The following ZNF44 variants were observed in gnomAD, a reference collection of about 807,000 sequenced individuals.
ZNF44 encodes the protein zinc finger protein 44, also known as gonadotropin inducible transcription repressor-2.
In ZNF44, 9 loss-of-function variants were observed where a neutral mutation model predicts 11.7. The observed-to-expected ratio is 0.77, with a 90% CI of 0.46 to 1.35. The LOEUF (loss-of-function observed/expected upper bound fraction) is 1.35. ZNF44 is among the 40% of genes most tolerant of loss of function. The pLI, the probability that ZNF44 is intolerant of heterozygous loss-of-function variation, is 0.00. For missense variants in ZNF44, 696 were observed against 743.1 expected, an observed-to-expected ratio of 0.94 and a Z score of 0.74; for synonymous variants, 224 against 242.7, an observed-to-expected ratio of 0.92 and a Z score of 0.72.
chr19:12,256,697 CTTTTT>C (rs950614463), intron 5 of ZNF44, among the ~76,000 whole-genome samples: 260 of 102,774 alleles, frequency 2.5e-3, no homozygotes, highest in African/African-American at 0.012. Flanking sequence ...AGCAATTACT[CTTTTT>C]TTTTTTTTTT....
At chr19:12,247,337 G>A, downstream of ZNF44, 2 of 1,289,382 alleles carry the variant, frequency 1.6e-6, no homozygotes, top group Non-Finnish European at 2.0e-6. Flanking sequence ...TGAAGGCGTT[G>A]CCACAATCCT....
At position 12,261,020 on chromosome 19, in the gene ZNF44, A is replaced by G. The variant is rs951247272; in HGVS notation, c.1913-10652T>C. The stretch of plus-strand genomic sequence containing the variant: ...TGGGTCTCACACACACTGAGAGGGT[A>G]TGAAAAGGCTTATTACTCCCATGAC... On this transcript the variant is annotated intron_variant and NMD_transcript_variant, in intron 5 of 7. Coordinates refer to the ZNF44 transcript ENST00000393337. 2.6e-5 allele frequency among the ~76,000 whole-genome samples: 4 copies of G among 152,212 alleles called. No individual in the cohort carries two copies. In the East Asian group the frequency reaches 7.7e-4, roughly 29 times the overall value.
intron 3 of ZNF44, among the ~76,000 whole-genome samples, chr19:12,229,854 A>C (rs375174234): frequency 6.6e-6 from 1 of 152,060 alleles, no homozygotes; most frequent in Admixed American, 6.6e-5. Flanking sequence ...CATCGTGATC[A>C]GCCCGCCTCA....
In ZNF44 at chr19:12,273,538, G is replaced by C; in HGVS notation, c.717C>G (p.Ser239=). 6.2e-7 allele frequency: 1 copy of C among 1,613,656 alleles called. No homozygotes were observed. The highest frequency in any genetic ancestry group is 8.5e-7 in the Non-Finnish European group (1 of 1,179,914). Residue 239 remains serine, a synonymous_variant, in exon 4 of 4, where the codon TCC becomes TCG. Coordinates refer to ENST00000355684, the MANE Select transcript of ZNF44 (RefSeq NM_016264.4). ...QCSKAFPVYS[S]YLRHEKIHTG... ...TGTGTATTTTTTCATGTCTTAGATAGGAACTGTAAACAGGGAAGGCTTTAG... is the reference window on the plus strand; with the variant it reads ...TGTGTATTTTTTCATGTCTTAGATACGAACTGTAAACAGGGAAGGCTTTAG...
intron 1 of ZNF44, among the ~76,000 whole-genome samples, chr19:12,288,771 A>AAAATATATATAT (rs1555744570): frequency 2.6e-5 from 1 of 38,368 alleles, no homozygotes; most frequent in Non-Finnish European, 4.5e-5. Context: ...AAAAAAAAAA[A>AAAATATATATAT]ATGTATATAT....
chr19:12,238,624 C>CAAAAAA (rs760047200), upstream of ZNF44, among the ~76,000 whole-genome samples: 1 of 62,666 alleles, frequency 1.6e-5, no homozygotes, highest in African/African-American at 4.9e-5. Flanking sequence ...GAGACTGTCT[C>CAAAAAA]AAAAAAAAAA....
In ZNF44 at chr19:12,274,941, G is replaced by A. The variant is rs536607360; in HGVS notation, c.191+32C>T. ...TTGTCATTCTCAGAAACACTGCAAG[G>A]ACATCACCTGTCTCTTATAAGTACA... is the stretch of plus-strand genomic sequence containing the variant. On this transcript the variant is annotated intron_variant, in intron 3 of 3. Coordinates refer to ENST00000355684, the MANE Select transcript of ZNF44 (RefSeq NM_016264.4). 7 of 1,511,340 alleles carry A rather than the reference G, an allele frequency of 4.6e-6. No homozygotes were observed. The African/African-American group carries it at 9.8e-5, about 21-fold the overall frequency. 93.6% of individuals were successfully genotyped at this position (1,511,340 alleles called of 1,614,324 possible).
Position 12,294,797 on chromosome 19 carries a change from C to A in ZNF44, c.-103G>T. 1.4e-6 allele frequency: 2 copies of A among 1,410,566 alleles called. No homozygotes were observed. Among genetic ancestry groups the A allele is most frequent in the Non-Finnish European group, 1.9e-6 (2 of 1,048,222 alleles). 87.4% of individuals were successfully genotyped at this position (1,410,566 alleles called of 1,614,324 possible). On this transcript the variant is annotated 5_prime_UTR_variant, in exon 1 of 4. Coordinates refer to ENST00000355684, the MANE Select transcript of ZNF44 (RefSeq NM_016264.4). ...GATGTCCCAGGGCGTCTCTCAGTGA[C>A]AGAATACGGAACAGAGGTCACCAGG... is the stretch of plus-strand genomic sequence containing the variant.
chr19:12,266,822 C>A (rs1017609646), downstream of ZNF44, among the ~76,000 whole-genome samples: 1 of 152,154 alleles, frequency 6.6e-6, no homozygotes, highest in Non-Finnish European at 1.5e-5. Flanking sequence ...ATGGGACTTT[C>A]TTTCTTCTTC....
intron 5 of ZNF44, among the ~76,000 whole-genome samples, chr19:12,259,526 T>C (rs1392736076): frequency 1.3e-5 from 2 of 152,206 alleles, no homozygotes; most frequent in African/African-American, 4.8e-5. Context: ...GGACTTCTGT[T>C]TCATCAGTGT....
intron 5 of ZNF44, among the ~76,000 whole-genome samples, chr19:12,261,945 A>C (rs1917525537): frequency 6.6e-6 from 1 of 152,204 alleles, no homozygotes; most frequent in South Asian, 2.1e-4. Context: ...CTTGTTTCTA[A>C]AATTTATTGA....
chr19:12,253,783 C>A (rs775484705), intron 5 of ZNF44, among the ~76,000 whole-genome samples: 8 of 151,836 alleles, frequency 5.3e-5, no homozygotes, highest in Non-Finnish European at 1.2e-4. Context: ...GAGTTTGAGA[C>A]CAGCATGGCC....
chr19:12,265,866 G>C (rs773569751), intron 5 of ZNF44, among the ~76,000 whole-genome samples: 1 of 152,190 alleles, frequency 6.6e-6, no homozygotes, highest in South Asian at 2.1e-4. Flanking sequence ...GCGACTTTAT[G>C]GTATAACAAA....
At chr19:12,237,115 C>G (rs1916420815) in intron 1 of ZNF44, 1 of 152,372 alleles carries the variant, frequency 6.6e-6, no homozygotes, top group South Asian at 2.1e-4. Flanking sequence ...GGGAACCCCA[C>G]AGACCGCAGC....
downstream of ZNF44, chr19:12,247,605 T>C (rs1916808089): frequency 7.5e-7 from 1 of 1,332,996 alleles, no homozygotes; most frequent in South Asian, 1.2e-5. Context: ...TTTTTTACAT[T>C]CATACTGTTT....
In ZNF44 at chr19:12,273,374, C is replaced by T. The variant is rs1967058151; in HGVS notation, c.881G>A (p.Gly294Asp). The change falls in exon 4 of 4, where the codon GGT becomes GAT. Residue 294 changes from glycine to aspartate, a missense_variant. Physicochemically the swap from Gly to Asp is moderately conservative, Grantham distance 94 (BLOSUM62 -1). Transcript: ENST00000355684. ...AATTCTTTCATGTACTCGAAGGGAA[C>T]CGGAAACACTGAAGGCTTTCCCACA... ...KQCGKAFSVSGSLRVHERIHT... is the reference protein window; with the variant it reads ...KQCGKAFSVSDSLRVHERIHT... 2 of 1,613,712 alleles carry T rather than the reference C, an allele frequency of 1.2e-6. No individual in the cohort carries two copies. The highest frequency in any genetic ancestry group is 2.7e-5 in the African/African-American group (2 of 74,816).
upstream of ZNF44, among the ~76,000 whole-genome samples, chr19:12,238,783 A>G (rs1322386383): frequency 6.6e-6 from 1 of 152,102 alleles, no homozygotes; most frequent in Non-Finnish European, 1.5e-5. Context: ...GCAGCAGAGT[A>G]AGACTTCATT....
intron 5 of ZNF44, among the ~76,000 whole-genome samples, chr19:12,252,744 G>T (rs566921268): frequency 2.2e-4 from 34 of 151,464 alleles, no homozygotes; most frequent in Non-Finnish European, 4.3e-4. Context: ...AAAAAAAAAA[G>T]TATAATCAAT....
At chr19:12,258,107 T>C (rs1917338136) in intron 5 of ZNF44, among the ~76,000 whole-genome samples, 1 of 142,254 alleles carries the variant, frequency 7.0e-6, no homozygotes, top group African/African-American at 2.6e-5. Flanking sequence ...GAGGACTGCT[T>C]GAGCCCAGGA....
Sources: gnomAD v4.1 joint callset for allele counts (sites outside exome capture counted in the v4.1 genomes callset) on GRCh38, gnomAD v4.1.1 for gene constraint, MANE v1.5 for transcripts, NCBI Gene and HGNC (gene_info 2026-07-23, HGNC 2026-07-21) for gene names.